Variants in CNBD1 observed in about 807,000 individuals in gnomAD.
CNBD1 encodes cyclic nucleotide-binding domain-containing protein 1.
In CNBD1, 71 loss-of-function variants were observed where a neutral mutation model predicts 54.4. The observed-to-expected ratio is 1.30, with a 90% CI of 1.08 to 1.59. The LOEUF (loss-of-function observed/expected upper bound fraction) is 1.59. CNBD1 is among the 40% of genes most tolerant of loss of function. CNBD1 has a pLI of 0.00. For missense variants in CNBD1, 659 were observed against 518.0 expected (o/e 1.27, Z -2.64); for synonymous variants, 182 against 170.7 (o/e 1.07, Z -0.51).
At chr8:86,966,727 C>T (rs1317949631) in intron 4 of CNBD1, among the ~76,000 whole-genome samples, 1 of 152,108 alleles carries the variant, frequency 6.6e-6, no homozygotes, top group African/African-American at 2.4e-5. Context: ...AGTGAAGCTG[C>T]AGACGTTTGT....
At chr8:87,150,751 T>C (rs887951244) in intron 4 of CNBD1, among the ~76,000 whole-genome samples, 1 of 152,182 alleles carries the variant, frequency 6.6e-6, no homozygotes, top group African/African-American at 2.4e-5. Flanking sequence ...TGCTAATTGA[T>C]ACTTTTTGAA....
At chr8:87,248,165 T>C (rs1028073654) in intron 6 of CNBD1, among the ~76,000 whole-genome samples, 2 of 152,240 alleles carry the variant, frequency 1.3e-5, no homozygotes, top group African/African-American at 4.8e-5. Flanking sequence ...TGTTGCCTTG[T>C]TGTCAACATT....
intron 4 of CNBD1, among the ~76,000 whole-genome samples, chr8:86,951,978 C>T (rs1159766868): frequency 6.6e-6 from 1 of 152,150 alleles, no homozygotes; most frequent in East Asian, 1.9e-4. Flanking sequence ...AGACAAAGGA[C>T]AAACAGAACT....
intron 4 of CNBD1, among the ~76,000 whole-genome samples, chr8:87,052,681 A>T (rs879911855): frequency 7.2e-5 from 11 of 152,138 alleles, no homozygotes; most frequent in Non-Finnish European, 1.6e-4. Flanking sequence ...TTCTTTGGCT[A>T]TAGGAGACAT....
chr8:86,955,283 C>T (rs1305167689), intron 4 of CNBD1, among the ~76,000 whole-genome samples: 5 of 152,048 alleles, frequency 3.3e-5, no homozygotes, highest in African/African-American at 9.7e-5. Flanking sequence ...AATAGTGCCC[C>T]AAAAAACATA....
intron 4 of CNBD1, among the ~76,000 whole-genome samples, chr8:87,146,509 G>A (rs1362446527): frequency 6.6e-6 from 1 of 152,016 alleles, no homozygotes; most frequent in Non-Finnish European, 1.5e-5. Flanking sequence ...GAGCCCTATG[G>A]CTTTAAATAT....
intron 4 of CNBD1, among the ~76,000 whole-genome samples, chr8:87,180,643 ATTTGATAATGTAAAGATGAATC>A (rs1183466807): frequency 3.3e-5 from 5 of 152,192 alleles, no homozygotes; most frequent in African/African-American, 1.2e-4. Context: ...TTAATCACAT[ATTTGATAATGTAAAGATGAATC>A]TGTACCAATT....
At chr8:87,407,837 C>A (rs1172898454) in intron 2 of CNBD1, among the ~76,000 whole-genome samples, 4 of 151,846 alleles carry the variant, frequency 2.6e-5, no homozygotes. Flanking sequence ...TGAATAATGA[C>A]TGCTTTGTAT....
At chr8:87,341,124 G>C (rs191310597) in intron 8 of CNBD1, among the ~76,000 whole-genome samples, 5 of 152,234 alleles carry the variant, frequency 3.3e-5, no homozygotes, top group Non-Finnish European at 7.4e-5. Context: ...ACTTGTGCTT[G>C]TAAATTTCTA....
At chr8:86,936,488 C>T (rs1027588633) in intron 3 of CNBD1, among the ~76,000 whole-genome samples, 2 of 152,020 alleles carry the variant, frequency 1.3e-5, no homozygotes, top group Non-Finnish European at 2.9e-5. Flanking sequence ...CACCTGTAAT[C>T]CCAGCACTTT....
rs1407578100 is a variant in CNBD1, at chr8:87,166,098, GT to G, written c.432-39892del. Among the ~76,000 whole-genome samples, 1 of 151,804 alleles carries G rather than the reference GT, an allele frequency of 6.6e-6. No homozygotes were observed. The highest frequency in any genetic ancestry group is 1.5e-5 in the Non-Finnish European group (1 of 67,908). On this transcript the variant is annotated intron_variant, in intron 4 of 10. Transcript: ENST00000518476. The surrounding 1 kb of genome is among the most constrained non-coding windows in gnomAD (Gnocchi z 4.3). Reference sequence around the variant, plus strand: ...ATATCTGAAATAAAACTAACTCTTGGTTTCCTCTGCTGATCTGTCCCACTAA... The same window carrying G: ...ATATCTGAAATAAAACTAACTCTTGGTTCCTCTGCTGATCTGTCCCACTAA...
At chr8:87,325,780 A>G (rs977802712) in intron 8 of CNBD1, among the ~76,000 whole-genome samples, 1 of 148,884 alleles carries the variant, frequency 6.7e-6, no homozygotes, top group Admixed American at 6.7e-5. Context: ...GTGTCTTTTA[A>G]TTGGAGCATT....
At chr8:87,287,645 T>G (rs2130872279) in intron 8 of CNBD1, among the ~76,000 whole-genome samples, 1 of 152,262 alleles carries the variant, frequency 6.6e-6, no homozygotes, top group East Asian at 1.9e-4. Context: ...GAAATCTGGC[T>G]AAGGTATCCT....
At chr8:86,960,050 G>T (rs1807887247) in intron 4 of CNBD1, among the ~76,000 whole-genome samples, 1 of 152,066 alleles carries the variant, frequency 6.6e-6, no homozygotes, top group South Asian at 2.1e-4. Context: ...AACAGCTCCA[G>T]TCTACAGCTC....
At chr8:87,017,789 C>T (rs1286569756) in intron 4 of CNBD1, among the ~76,000 whole-genome samples, 1 of 152,032 alleles carries the variant, frequency 6.6e-6, no homozygotes, top group African/African-American at 2.4e-5. Flanking sequence ...AGGCAAATTT[C>T]CCTTTCTAAG....
chr8:87,079,715 AAC>A (rs1445465750), intron 4 of CNBD1, among the ~76,000 whole-genome samples: 4 of 152,108 alleles, frequency 2.6e-5, no homozygotes, highest in African/African-American at 9.7e-5. Context: ...CTTCTTATTG[AAC>A]ACACATATTT....
Position 87,166,889 on chromosome 8 carries a change from T to G in CNBD1, c.432-39104T>G, listed in dbSNP as rs538103330. Among the ~76,000 whole-genome samples the G allele has an allele frequency of 1.8e-4, 28 of 151,764 alleles. No individual in the cohort carries two copies. Among genetic ancestry groups the G allele is most frequent in the African/African-American group, 6.3e-4 (26 of 41,254 alleles). On this transcript the variant is annotated intron_variant, in intron 4 of 10. Transcript: ENST00000518476. This position sits in a 1 kb window ranked among gnomAD's most constrained non-coding sequence, Gnocchi z 4.3. Reference sequence around the variant, plus strand: ...TATAGTATGTAACTATATATTTAATTTTTTTATTACAAAGGGAATTATATC... The same window carrying G: ...TATAGTATGTAACTATATATTTAATGTTTTTATTACAAAGGGAATTATATC...
chr8:87,378,653 A>T (rs577370354), intron 10 of CNBD1, among the ~76,000 whole-genome samples: 2 of 149,760 alleles, frequency 1.3e-5, no homozygotes, highest in Non-Finnish European at 3.0e-5. Flanking sequence ...TTTTGGTTCC[A>T]TATGAACTTT....
intron 4 of CNBD1, among the ~76,000 whole-genome samples, chr8:86,965,272 C>A (rs1011375528): frequency 1.3e-5 from 2 of 152,146 alleles, no homozygotes; most frequent in Non-Finnish European, 2.9e-5. Flanking sequence ...AGCGCGGACA[C>A]CCTAATGGGC....
Sources: allele counts gnomAD v4.1 joint callset (sites outside exome capture counted in the v4.1 genomes callset), GRCh38; gene constraint gnomAD v4.1.1; non-coding constraint Gnocchi (gnomAD v3.1); transcripts MANE v1.5; gene names NCBI Gene and HGNC (gene_info 2026-07-23, HGNC 2026-07-21).